Variants in CELF2 observed in about 807,000 individuals in gnomAD.
CELF2 encodes the protein CUG triplet repeat RNA-binding protein 2.
In CELF2, 8 loss-of-function variants were observed where a neutral mutation model predicts 62.6. That is an observed-to-expected ratio of 0.13 (90% CI 0.07 to 0.23). CELF2 has a LOEUF of 0.23. Among genes scored for constraint, CELF2 ranks in the 10% least tolerant of loss-of-function variants. CELF2 has a pLI of 1.00. For synonymous variants in CELF2, 258 were observed against 250.0 expected (o/e 1.03, Z -0.30); for missense variants, 333 against 671.0 (o/e 0.50, Z 5.56).
In CELF2 at chr10:11,156,134, C is replaced by T. The variant is rs1032898338; in HGVS notation, c.75-9352C>T. ...TAATGTAATGAGAACAAGAGGATAG[C>T]CAGAATCAGGACAGTGGCTGTTCAG... is the stretch of plus-strand genomic sequence containing the variant. On this transcript the variant is annotated intron_variant, in intron 1 of 12. Transcript: ENST00000633077. The surrounding 1 kb of genome is among the most constrained non-coding windows in gnomAD (Gnocchi z 4.3). Among the ~76,000 whole-genome samples the T allele has an allele frequency of 6.6e-6, 1 of 152,062 alleles. No individual in the cohort carries two copies. Among genetic ancestry groups the T allele is most frequent in the African/African-American group, 2.4e-5 (1 of 41,378 alleles).
chr10:11,013,611 G>C (rs963523148), upstream of CELF2, among the ~76,000 whole-genome samples: 1 of 152,148 alleles, frequency 6.6e-6, no homozygotes, highest in Admixed American at 6.5e-5. This position sits in a 1 kb window ranked among gnomAD's most constrained non-coding sequence, Gnocchi z 4.1. Context: ...ACCAGTGGAA[G>C]CTATTCTCAA....
the CELF2 span, among the ~76,000 whole-genome samples, chr10:10,748,747 CAAAAAAAAAAAAA>C: frequency 1.9e-4 from 7 of 37,002 alleles, no homozygotes; most frequent in Admixed American, 6.4e-4. Flanking sequence ...GACTCTGTCT[CAAAAAAAAAAAAA>C]AAAAAAAAAA....
chr10:10,546,123 C>G, the CELF2 span, among the ~76,000 whole-genome samples: 1 of 152,098 alleles, frequency 6.6e-6, no homozygotes, highest in South Asian at 2.1e-4. Flanking sequence ...CACCTGGCAC[C>G]AAGTAACCCA....
the CELF2 span, among the ~76,000 whole-genome samples, chr10:10,504,393 C>G: frequency 6.6e-6 from 1 of 152,044 alleles, no homozygotes; most frequent in African/African-American, 2.4e-5. Context: ...TTGTCACTTC[C>G]TTCTGGCTTC....
the CELF2 span, among the ~76,000 whole-genome samples, chr10:10,697,020 T>C: frequency 5.3e-5 from 8 of 152,090 alleles, no homozygotes; most frequent in Non-Finnish European, 1.0e-4. Context: ...ATTTTTAAGG[T>C]ACATGTTCAA....
intron 1 of CELF2, among the ~76,000 whole-genome samples, chr10:10,814,778 T>C (rs1235754887): frequency 6.6e-6 from 1 of 152,210 alleles, no homozygotes; most frequent in East Asian, 1.9e-4. Context: ...ATTTGTATTT[T>C]AGGAACTATC....
intron 3 of CELF2, among the ~76,000 whole-genome samples, chr10:11,233,387 T>G (rs189200061): frequency 1.6e-4 from 25 of 152,308 alleles, no homozygotes; most frequent in Admixed American, 9.1e-4. Context: ...TGCCCCGAGT[T>G]CTGTTTTCAC....
At chr10:11,257,689 GA>G (rs775863107) in intron 4 of CELF2, 48 bp from the exon 5 acceptor site, 1 of 1,600,154 alleles carries the variant, frequency 6.2e-7, no homozygotes, top group Non-Finnish European at 8.5e-7. Flanking sequence ...TTGATTACAA[GA>G]AAAAAAGATG....
intron 2 of CELF2, among the ~76,000 whole-genome samples, chr10:11,173,261 G>A (rs943482029): frequency 6.6e-6 from 1 of 152,196 alleles, no homozygotes; most frequent in African/African-American, 2.4e-5. Flanking sequence ...AAGGAGAGGT[G>A]TTGTCAACAG....
intron 1 of CELF2, among the ~76,000 whole-genome samples, chr10:10,905,247 C>A (rs2063239424): frequency 6.6e-6 from 1 of 152,192 alleles, no homozygotes; most frequent in Non-Finnish European, 1.5e-5. Flanking sequence ...AAATAAAGTA[C>A]ATCCAGTAAT....
chr10:10,501,395 C>T, the CELF2 span, among the ~76,000 whole-genome samples: 43 of 152,192 alleles, frequency 2.8e-4, no homozygotes, highest in African/African-American at 8.2e-4. Context: ...ATTTGACTTC[C>T]GCGTATCCTC....
chr10:11,236,455 GGTTT>G (rs1334873824), intron 3 of CELF2, among the ~76,000 whole-genome samples: 1 of 152,106 alleles, frequency 6.6e-6, no homozygotes, highest in East Asian at 1.9e-4. Flanking sequence ...TCAATTCTGT[GGTTT>G]GTTTAGAGGG....
At chr10:10,481,239 G>T in the CELF2 span, among the ~76,000 whole-genome samples, 17 of 152,090 alleles carry the variant, frequency 1.1e-4, no homozygotes, top group Admixed American at 2.6e-4. Context: ...AGTGCTTTCT[G>T]TGTGCCATTT....
intron 1 of CELF2, among the ~76,000 whole-genome samples, chr10:10,822,686 G>A (rs1226422808): frequency 6.6e-6 from 1 of 152,180 alleles, no homozygotes; most frequent in Non-Finnish European, 1.5e-5. Context: ...TCCTACTGAG[G>A]TTCTTTGCTT....
chr10:11,133,001 T>A (rs1465263863), intron 1 of CELF2, among the ~76,000 whole-genome samples: 1 of 152,212 alleles, frequency 6.6e-6, no homozygotes, highest in Non-Finnish European at 1.5e-5. Flanking sequence ...TTTGGTCAAA[T>A]TGAGTCATGA....
chr10:10,659,017 A>T, the CELF2 span, among the ~76,000 whole-genome samples: 1 of 152,182 alleles, frequency 6.6e-6, no homozygotes, highest in Non-Finnish European at 1.5e-5. Context: ...AAAATAATAA[A>T]TGTTCACCAG....
intron 9 of CELF2, among the ~76,000 whole-genome samples, chr10:11,301,390 T>A (rs1029226236): frequency 2.2e-4 from 1 of 4,506 alleles, no homozygotes; most frequent in Non-Finnish European, 4.6e-4. Flanking sequence ...ACTTCCCCCC[T>A]CCCCCCGCTT....
the CELF2 span, among the ~76,000 whole-genome samples, chr10:10,575,443 A>G: frequency 7.2e-5 from 11 of 152,230 alleles, no homozygotes; most frequent in African/African-American, 2.2e-4. Context: ...GAAATGTAAG[A>G]AATGTTCATT....
rs145007404 is a variant in CELF2 at position 10,846,372 on chromosome 10, C to T, written c.53+47555C>T. Among the ~76,000 whole-genome samples the T allele has an allele frequency of 5.7e-3, 869 of 152,282 alleles. 8 individuals are homozygous for T. The highest frequency in any genetic ancestry group is 0.02 in the African/African-American group (840 of 41,554). Reference sequence around the variant, plus strand: ...CTTTCACAGATGTTCCCTCTATCAACAGAGCAGCAGCTGCTGCCTGGACAC... The same window carrying T: ...CTTTCACAGATGTTCCCTCTATCAATAGAGCAGCAGCTGCTGCCTGGACAC... On this transcript the variant is annotated intron_variant, in intron 1 of 13. Coordinates refer to the CELF2 transcript ENST00000636488.
Sources: gnomAD v4.1 joint callset for allele counts (sites outside exome capture counted in the v4.1 genomes callset) on GRCh38, gnomAD v4.1.1 for gene constraint, Gnocchi (gnomAD v3.1) non-coding constraint, MANE v1.5 for transcripts, NCBI Gene and HGNC (gene_info 2026-07-23, HGNC 2026-07-21) for gene names.